FLNA: variants seen among roughly 807,000 people sequenced by gnomAD.
FLNA encodes the protein filamin-A.
FLNA carries 7 observed loss-of-function variants against 157.6 expected under a neutral mutation model. The ratio of observed to expected loss-of-function variants is 0.04; its 90% CI spans 0.03 to 0.08. The LOEUF (loss-of-function observed/expected upper bound fraction) is 0.08, where lower values mean the gene tolerates loss of function less well. Among genes scored for constraint, FLNA ranks in the 10% least tolerant of loss-of-function variants. The pLI is 1.00. For synonymous variants in FLNA, 1,103 were observed against 1,060.8 expected (o/e 1.04, Z -0.77); for missense variants, 1,750 against 2,398.4 (o/e 0.73, Z 5.65).
chrX:154,359,900 A>G lies in FLNA; in HGVS notation c.3811T>C (p.Phe1271Leu), dbSNP rs782674054. The G allele has an allele frequency of 1.7e-6, 2 of 1,210,548 alleles. No individual in the cohort carries two copies. The highest frequency in any genetic ancestry group is 2.2e-6 in the Non-Finnish European group (2 of 895,151). The change falls in exon 23 of 48, where the codon TTC (phenylalanine) becomes CTC (leucine). Residue 1271 changes from phenylalanine to leucine, a missense_variant. This residue lies in a region of FLNA where 970 missense variants were observed against 1,302.6 expected (regional missense o/e 0.74). Coordinates refer to ENST00000369850, the MANE Select transcript of FLNA (RefSeq NM_001110556.2). ...CTGAACTCAGTGGTGGCCTCACGGAAGACACCTGCAAAGGCACAGAGAGGA... is the reference window on the plus strand; with the variant it reads ...CTGAACTCAGTGGTGGCCTCACGGAGGACACCTGCAAAGGCACAGAGAGGA... Reference protein sequence around the residue: ...YGPGIEGQGVFREATTEFSVD... With the variant: ...YGPGIEGQGVLREATTEFSVD...
chrX:154,365,944 G>C, intron 9 of FLNA, 80 bp downstream of exon 9: 1 of 986,326 alleles, frequency 1.0e-6, no homozygotes, highest in East Asian at 3.1e-5. Flanking sequence ...GGCTGCAGCG[G>C]GACTGGCCCA....
At chrX:154,351,436 G>T in intron 43 of FLNA, 145 bp downstream of exon 43, 1 of 466,802 alleles carries the variant, frequency 2.1e-6, no homozygotes, top group Middle Eastern at 5.9e-4. Flanking sequence ...CCAAGCGTGG[G>T]CTGCACCCGG....
rs1350290450 is a variant in FLNA at position 154,360,332 on chromosome X, C to A, written c.3463G>T (p.Val1155Phe). The A allele has an allele frequency of 8.3e-7, 1 of 1,210,946 alleles. No homozygotes were observed. The highest frequency in any genetic ancestry group is 1.7e-5 in the African/African-American group (1 of 57,770). ...ACTTTGGATGCGTCAAAGCAGGGAA[C>A]CACGTGGGCCTTGAATGGGGAGCCA... ...IPGSPFKAHV[V>F]PCFDASKVKC... The change falls in exon 22 of 48, where the codon GTT becomes TTT. Residue 1155 changes from valine to phenylalanine, a missense_variant. Transcript: ENST00000369850.
chrX:154,358,757 G>T, intron 26 of FLNA, 189 bp from the exon 27 acceptor site: 1 of 602,411 alleles, frequency 1.7e-6, no homozygotes, highest in Non-Finnish European at 2.7e-6. Context: ...TGGGACCCTT[G>T]CCTGCCTGCC....
chrX:154,349,658 T>G lies in FLNA; in HGVS notation c.7543A>C (p.Lys2515Gln). 8.3e-7 allele frequency: 1 copy of G among 1,212,068 alleles called. No individual in the cohort carries two copies. Among genetic ancestry groups the G allele is most frequent in the Non-Finnish European group, 1.1e-6 (1 of 895,452 alleles). The part of the protein sequence containing the change: ...YHIGGSPFKA[K>Q]VTGPRLVSNH... ...TTGGCCCCAGGCTCACCTGTGACTT[T>G]GGCCTTGAAGGGGCTGCCCCCAATG... Residue 2515 changes from lysine (K) to glutamine (Q), a missense_variant, in exon 46 of 48, where the codon AAA becomes CAA. Transcript: ENST00000369850.
intron 26 of FLNA, 88 bp from the exon 27 acceptor site, chrX:154,358,656 C>T (rs1220552354): frequency 6.5e-6 from 7 of 1,076,147 alleles, no homozygotes; most frequent in Non-Finnish European, 8.9e-6. Context: ...GACCCAGCCC[C>T]AGGCCTAGAC....
Position 154,353,360 on chromosome X carries a change from A to G in FLNA, c.5958T>C (p.Thr1986=), listed in dbSNP as rs782787843. The G allele has an allele frequency of 3.9e-5, 47 of 1,210,495 alleles. No individual in the cohort carries two copies. The highest frequency in any genetic ancestry group is 1.3e-4 in the Admixed American group (6 of 45,998). ...CCTCCCGGCCCGAGGGCGGGACCAC[A>G]GTGGCCGTCAGCAGGCTGAGATCCG... The part of the protein sequence containing the change: ...SETDLSLLTA[T]VVPPSGREEP... Residue 1986 remains threonine, a synonymous_variant, in exon 37 of 48, where the codon ACT becomes ACC. Coordinates refer to ENST00000369850, the MANE Select transcript of FLNA (RefSeq NM_001110556.2).
intron 15 of FLNA, 83 bp from the exon 16 acceptor site, chrX:154,362,867 C>T: frequency 1.9e-6 from 2 of 1,042,752 alleles, no homozygotes; most frequent in South Asian, 4.2e-5. Context: ...GGCAGGCACA[C>T]AAAATGGTCC....
rs782774089 is a variant in FLNA at position 154,361,724 on chromosome X, C to T, written c.2890G>A (p.Ala964Thr). The T allele has an allele frequency of 5.8e-6, 7 of 1,210,862 alleles. No individual in the cohort carries two copies. In the South Asian group the frequency reaches 1.2e-4, roughly 21 times the overall value. ...DPIPKSPFSVAVSPSLDLSKI... is the reference protein window; with the variant it reads ...DPIPKSPFSVTVSPSLDLSKI... Reference sequence around the variant, plus strand: ...CTGAGGTCCAGGCTTGGAGATACTGCCACTGAGAAAGGGCTCTTAGGGATG... The same window carrying T: ...CTGAGGTCCAGGCTTGGAGATACTGTCACTGAGAAAGGGCTCTTAGGGATG... Residue 964 changes from alanine to threonine, a missense_variant, in exon 20 of 48, where the codon GCA becomes ACA. By Grantham distance (58) the Ala-to-Thr change is moderately conservative. Around this residue, in one of 5 missense-constraint regions of FLNA, gnomAD observed 648 missense variants for 805.8 expected, o/e 0.80. Coordinates refer to ENST00000369850, the MANE Select transcript of FLNA (RefSeq NM_001110556.2).
At position 154,357,273 on chromosome X, in the gene FLNA, C is replaced by A; in HGVS notation, c.4947G>T (p.Val1649=). ...TGDASKCTVT[V]SIGGHGLGAG... ...TACCTAGCCCGTGACCTCCGATTGACACTGAGGTGAGAGGGCAGAGAGCAA... is the reference window on the plus strand; with the variant it reads ...TACCTAGCCCGTGACCTCCGATTGAAACTGAGGTGAGAGGGCAGAGAGCAA... The change falls in exon 30 of 48, where the codon GTG becomes GTT. Residue 1649 remains valine (V), a splice_region_variant and synonymous_variant. Transcript: ENST00000369850. The A allele has an allele frequency of 8.3e-7, 1 of 1,210,856 alleles. No individual in the cohort carries two copies. Among genetic ancestry groups the A allele is most frequent in the Non-Finnish European group, 1.1e-6 (1 of 894,790 alleles).
In FLNA at chrX:154,359,630, G is replaced by A. The variant is rs782414490; in HGVS notation, c.3996C>T (p.Asp1332=). The part of the protein sequence containing the change: ...TPYEEGLHSV[D]VTYDGSPVPS... ...GCACGGGACTGCCGTCATAGGTCAC[G>A]TCCACGGAGTGCAGTCCTGGAGGAG... Residue 1332 remains aspartate (D), a synonymous_variant, in exon 24 of 48, where the codon GAC becomes GAT. Transcript: ENST00000369850. 1.2e-5 allele frequency: 14 copies of A among 1,209,635 alleles called. No individual in the cohort carries two copies. The highest frequency in any genetic ancestry group is 2.2e-5 in the Admixed American group (1 of 45,971).
intron 43 of FLNA, 82 bp from the exon 44 acceptor site, chrX:154,351,123 C>T: frequency 3.7e-6 from 4 of 1,082,550 alleles, no homozygotes; most frequent in Non-Finnish European, 5.1e-6. Flanking sequence ...AGCAAGAGGC[C>T]CGCGGGTCGC....
intron 15 of FLNA, among the ~76,000 whole-genome samples, chrX:154,363,526 A>G (rs2067729871): frequency 9.0e-6 from 1 of 110,857 alleles, no homozygotes; most frequent in Non-Finnish European, 1.9e-5. Flanking sequence ...CATCCTGGCT[A>G]ACACAGTGAA....
chrX:154,359,361 G>A lies in FLNA; in HGVS notation c.4188C>T (p.Ser1396=), dbSNP rs781927602. ...TATCCATGCAGGACATCTTGGCCTC[G>A]GAGGGGCCCTCTACAGCCAGGCCCA... ...GGLGLAVEGP[S]EAKMSCMDNK... The change falls in exon 25 of 48, where the codon TCC becomes TCT. Residue 1396 remains serine (S), a synonymous_variant. Transcript: ENST00000369850. 1.2e-5 allele frequency: 14 copies of A among 1,209,992 alleles called. No homozygotes were observed. Among genetic ancestry groups the A allele is most frequent in the South Asian group, 5.3e-5 (3 of 56,930 alleles).
chrX:154,358,126 A>G, intron 28 of FLNA, 73 bp downstream of exon 28: 12 of 1,109,902 alleles, frequency 1.1e-5, no homozygotes, highest in Non-Finnish European at 1.5e-5. Context: ...GGGAGATCAG[A>G]CACCAGCCAC....
At chrX:154,351,072 G>A (rs907989863) in intron 43 of FLNA, 31 bp from the exon 44 acceptor site, 13 of 1,207,214 alleles carry the variant, frequency 1.1e-5, no homozygotes, top group Non-Finnish European at 1.5e-5. Context: ...GTTAGATGGG[G>A]GTGCTTGAGC....
chrX:154,369,514 C>G (rs1463743291), intron 2 of FLNA, among the ~76,000 whole-genome samples: 1 of 109,766 alleles, frequency 9.1e-6, no homozygotes, highest in Admixed American at 9.5e-5. Flanking sequence ...ATCCCACCCC[C>G]CTTTCCCCAG....
At position 154,360,004 on chromosome X, in the gene FLNA, C is replaced by G; in HGVS notation, c.3791G>C (p.Gly1264Ala). 2 of 1,209,401 alleles carry G rather than the reference C, an allele frequency of 1.7e-6. No individual in the cohort carries two copies. Among genetic ancestry groups the G allele is most frequent in the Non-Finnish European group, 2.2e-6 (2 of 893,810 alleles). The change falls in exon 22 of 48, where the codon GGT (glycine) becomes GCT (alanine). Residue 1264 changes from glycine (G) to alanine (A), a missense_variant. By Grantham distance (60) the Gly-to-Ala change is moderately conservative. Transcript: ENST00000369850. Reference protein sequence around the residue: ...DTSGVQCYGPGIEGQGVFREA... With the variant: ...DTSGVQCYGPAIEGQGVFREA... The stretch of plus-strand genomic sequence containing the variant: ...GGGCAACTCACCCTGGCCCTCAATA[C>G]CAGGCCCATAGCACTGGACACCGGA...
In FLNA at chrX:154,355,858, G is replaced by A. The variant is rs782632756; in HGVS notation, c.4970-786C>T. Among the ~76,000 whole-genome samples, 6 of 112,997 alleles carry A rather than the reference G, an allele frequency of 5.3e-5. No homozygotes were observed. In the East Asian group the frequency reaches 1.7e-3, roughly 32 times the overall value. ...TCTGGGTCTCCGCCGTGGAGGCTTGGGGGGCTGTGGGCTGTGAGGCCTGGC... is the reference window on the plus strand; with the variant it reads ...TCTGGGTCTCCGCCGTGGAGGCTTGAGGGGCTGTGGGCTGTGAGGCCTGGC... On this transcript the variant is annotated intron_variant, in intron 30 of 47. Coordinates refer to ENST00000369850, the MANE Select transcript of FLNA (RefSeq NM_001110556.2).
Sources: allele counts gnomAD v4.1 joint callset (sites outside exome capture counted in the v4.1 genomes callset), GRCh38; gene constraint gnomAD v4.1.1; regional missense constraint gnomAD v4.1.1; transcripts MANE v1.5; gene names NCBI Gene and HGNC (gene_info 2026-07-23, HGNC 2026-07-21).